FNBP1: variants seen among roughly 807,000 people sequenced by gnomAD.
FNBP1 encodes the protein formin binding protein 1, also known as formin-binding protein 1.
Under a neutral mutation model 90.6 loss-of-function variants are expected in FNBP1, and 26 were observed. The ratio of observed to expected loss-of-function variants is 0.29; its 90% CI spans 0.21 to 0.40. The LOEUF (loss-of-function observed/expected upper bound fraction) is 0.40, where lower values mean the gene tolerates loss of function less well. FNBP1 is among the 10% of genes least tolerant of loss of function. The pLI, the probability that FNBP1 is intolerant of heterozygous loss-of-function variation, is 1.00. For synonymous variants in FNBP1, 260 were observed against 265.2 expected (o/e 0.98, Z 0.19); for missense variants, 635 against 768.0 (o/e 0.83, Z 2.05).
intron 11 of FNBP1, chr9:129,914,812 TC>T (rs1327529456): frequency 4.4e-6 from 1 of 228,998 alleles, no homozygotes; most frequent in Admixed American, 5.7e-5. Context: ...TAAAATACTA[TC>T]CTAGGTTATC....
Position 130,000,184 on chromosome 9 carries a change from T to C in FNBP1, c.25-5226A>G, listed in dbSNP as rs78394865. ...TGTATATGATCATGTAAATTATTCATTGATCATTTAGAAAATATTATCTCA... is the reference window on the plus strand; with the variant it reads ...TGTATATGATCATGTAAATTATTCACTGATCATTTAGAAAATATTATCTCA... On this transcript the variant is annotated intron_variant, in intron 1 of 16. Transcript: ENST00000446176. Among the ~76,000 whole-genome samples, 908 of 152,326 alleles carry C rather than the reference T, an allele frequency of 6.0e-3. 7 individuals carry two copies. Among genetic ancestry groups the C allele is most frequent in the Middle Eastern group, 0.017 (5 of 294 alleles).
chr9:129,939,740 T>G (rs1395343913), intron 6 of FNBP1, among the ~76,000 whole-genome samples: 1 of 152,136 alleles, frequency 6.6e-6, no homozygotes, highest in East Asian at 1.9e-4. Context: ...ACTTCTACAA[T>G]CCTGTTTTTA....
intron 11 of FNBP1, among the ~76,000 whole-genome samples, chr9:129,909,362 AAC>A (rs1482166247): frequency 6.6e-5 from 10 of 152,176 alleles, no homozygotes; most frequent in African/African-American, 2.4e-4. Flanking sequence ...TGTCAGTGGC[AAC>A]ACTGAAGTGT....
intron 1 of FNBP1, among the ~76,000 whole-genome samples, chr9:130,023,781 G>C (rs1357362903): frequency 6.6e-6 from 1 of 151,998 alleles, no homozygotes; most frequent in East Asian, 1.9e-4. Flanking sequence ...TGAGCATTTG[G>C]CATCTTACTC....
At chr9:129,904,239 A>G (rs145229538) in intron 12 of FNBP1, among the ~76,000 whole-genome samples, 1 of 152,298 alleles carries the variant, frequency 6.6e-6, no homozygotes, top group East Asian at 1.9e-4. Context: ...GGTATCCACG[A>G]CAGGTAAGTG....
At chr9:130,014,859 T>G (rs1320704412) in intron 1 of FNBP1, among the ~76,000 whole-genome samples, 3 of 151,956 alleles carry the variant, frequency 2.0e-5, no homozygotes, top group African/African-American at 7.3e-5. Context: ...GATGTTCCTC[T>G]GTTTTCTTCC....
rs758559799 is a variant in FNBP1, at chr9:129,915,944, T to G, written c.1185+22A>C. On this transcript the variant is annotated intron_variant, in intron 11 of 16. Transcript: ENST00000446176. ...AGAAAACCTGATTAGACTCAGGACATGCATGGAACAATTGTGCTTACCAGC... is the reference window on the plus strand; with the variant it reads ...AGAAAACCTGATTAGACTCAGGACAGGCATGGAACAATTGTGCTTACCAGC... 1.9e-6 allele frequency: 3 copies of G among 1,597,410 alleles called. No individual in the cohort carries two copies. In the African/African-American group the frequency reaches 4.0e-5, roughly 21 times the overall value.
intron 6 of FNBP1, among the ~76,000 whole-genome samples, chr9:129,951,568 A>T (rs1482549591): frequency 2.0e-5 from 3 of 151,914 alleles, no homozygotes; most frequent in Non-Finnish European, 4.4e-5. Context: ...CACCCTCCAG[A>T]GTAGGTGGGA....
intron 6 of FNBP1, among the ~76,000 whole-genome samples, chr9:129,955,408 G>A (rs1238420946): frequency 1.3e-5 from 2 of 151,696 alleles, no homozygotes; most frequent in African/African-American, 4.8e-5. Flanking sequence ...TAATTTTTCT[G>A]TATTTTTTAT....
intron 4 of FNBP1, among the ~76,000 whole-genome samples, chr9:129,974,870 AG>A (rs1407760409): frequency 2.0e-5 from 3 of 151,800 alleles, no homozygotes; most frequent in African/African-American, 7.2e-5. Flanking sequence ...AAAAAAAAAA[AG>A]AAAGAAAGAA....
intron 4 of FNBP1, among the ~76,000 whole-genome samples, chr9:129,971,843 A>T (rs1270764527): frequency 6.6e-6 from 1 of 152,248 alleles, no homozygotes. Context: ...ATTTAAACAC[A>T]GCAAAATGTA....
intron 6 of FNBP1, among the ~76,000 whole-genome samples, chr9:129,936,000 T>C (rs1239757347): frequency 6.6e-6 from 1 of 152,206 alleles, no homozygotes; most frequent in East Asian, 1.9e-4. Flanking sequence ...GTTTTTGTCA[T>C]TTGAATGGAA....
intron 6 of FNBP1, among the ~76,000 whole-genome samples, chr9:129,943,013 T>C (rs2044562444): frequency 6.6e-6 from 1 of 152,098 alleles, no homozygotes; most frequent in Admixed American, 6.6e-5. Flanking sequence ...TAAATATCTT[T>C]CACAAACTGT....
At chr9:129,937,315 T>G (rs1213836037) in intron 6 of FNBP1, among the ~76,000 whole-genome samples, 1 of 152,230 alleles carries the variant, frequency 6.6e-6, no homozygotes, top group East Asian at 1.9e-4. Flanking sequence ...TTTAAAATAA[T>G]TTGAAACAAA....
chr9:129,998,994 G>A (rs1355681341), intron 1 of FNBP1, among the ~76,000 whole-genome samples: 1 of 152,186 alleles, frequency 6.6e-6, no homozygotes, highest in African/African-American at 2.4e-5. Context: ...GATGCTCTGT[G>A]AAACCTGAGG....
chr9:129,911,911 G>A (rs1377683146), intron 11 of FNBP1, among the ~76,000 whole-genome samples: 1 of 141,606 alleles, frequency 7.1e-6, no homozygotes, highest in Non-Finnish European at 1.5e-5. Context: ...CAGCCTGGGC[G>A]ACGGGCGAGA....
At chr9:129,893,378 G>A (rs887308613) in intron 16 of FNBP1, among the ~76,000 whole-genome samples, 17 of 149,054 alleles carry the variant, frequency 1.1e-4, no homozygotes, top group African/African-American at 2.7e-4. Context: ...TGAGGCGGGC[G>A]GATCACTTGA....
chr9:129,959,523 A>C (rs2047474502), intron 4 of FNBP1, among the ~76,000 whole-genome samples: 1 of 152,142 alleles, frequency 6.6e-6, no homozygotes, highest in Non-Finnish European at 1.5e-5. Context: ...TGGGAGGCAG[A>C]GGTTGCAGTG....
At chr9:129,941,622 T>C (rs2044337130) in intron 6 of FNBP1, among the ~76,000 whole-genome samples, 1 of 152,146 alleles carries the variant, frequency 6.6e-6, no homozygotes, top group African/African-American at 2.4e-5. Context: ...CACACCAGCC[T>C]GCCCAGGTGA....
Sources: allele counts gnomAD v4.1 joint callset (sites outside exome capture counted in the v4.1 genomes callset), GRCh38; gene constraint gnomAD v4.1.1; transcripts MANE v1.5; gene names NCBI Gene and HGNC (gene_info 2026-07-23, HGNC 2026-07-21).